The following NAP1L4 variants were observed in gnomAD, a reference collection of about 807,000 sequenced individuals.
NAP1L4 encodes nucleosome assembly protein 1 like 4.
NAP1L4 carries 15 observed loss-of-function variants against 58.2 expected under a neutral mutation model. The observed-to-expected ratio is 0.26, with a 90% CI of 0.17 to 0.40. The LOEUF (loss-of-function observed/expected upper bound fraction) is 0.40. NAP1L4 is among the 10% of genes least tolerant of loss of function. The probability of loss-of-function intolerance (pLI) is 1.00; values close to 1 mark genes in which losing one functional copy is unlikely to be tolerated. For missense variants in NAP1L4, 384 were observed against 451.1 expected, an observed-to-expected ratio of 0.85 and a Z score of 1.35; for synonymous variants, 171 against 155.6, an observed-to-expected ratio of 1.10 and a Z score of -0.74.
intron 1 of NAP1L4, among the ~76,000 whole-genome samples, chr11:2,982,239 G>C (rs1848364370): frequency 6.6e-6 from 1 of 152,190 alleles, no homozygotes; most frequent in Non-Finnish European, 1.5e-5. Flanking sequence ...AATGGATTCT[G>C]ATACATACTG....
chr11:2,966,497 T>C (rs1847286956), intron 7 of NAP1L4, among the ~76,000 whole-genome samples: 2 of 152,208 alleles, frequency 1.3e-5, no homozygotes, highest in African/African-American at 4.8e-5. Context: ...GCTGTTTTTG[T>C]AGCTCCCACA....
At chr11:2,976,357 A>G (rs1847959999) in intron 3 of NAP1L4, among the ~76,000 whole-genome samples, 1 of 152,158 alleles carries the variant, frequency 6.6e-6, no homozygotes. Context: ...TACTGAATAA[A>G]CACCTAGAGA....
intron 1 of NAP1L4, chr11:2,989,797 AGTG>A (rs1272429124): frequency 1.7e-4 from 26 of 152,366 alleles, no homozygotes; most frequent in African/African-American, 6.3e-4. Flanking sequence ...CATACTGTAA[AGTG>A]GTGATGAACA....
At chr11:2,973,452 C>CA (rs2133978851) in intron 4 of NAP1L4, among the ~76,000 whole-genome samples, 2 of 152,234 alleles carry the variant, frequency 1.3e-5, no homozygotes, top group Middle Eastern at 3.4e-3. Flanking sequence ...TTCACACAAT[C>CA]AGAGTCTTCA....
intron 1 of NAP1L4, among the ~76,000 whole-genome samples, chr11:2,980,101 G>A (rs2134000584): frequency 6.6e-6 from 1 of 152,272 alleles, no homozygotes. Context: ...TATATTGGTA[G>A]AATTAGATGA....
intron 1 of NAP1L4, chr11:2,990,394 C>A (rs567269046): frequency 3.9e-5 from 6 of 152,196 alleles, no homozygotes; most frequent in Non-Finnish European, 8.8e-5. Flanking sequence ...GGATTACTTT[C>A]CCATTCTATC....
At chr11:2,975,467 T>C (rs961084141) in intron 4 of NAP1L4, among the ~76,000 whole-genome samples, 4 of 151,866 alleles carry the variant, frequency 2.6e-5, no homozygotes, top group African/African-American at 9.7e-5. Flanking sequence ...GCACGGTAGC[T>C]CACCCGTTAT....
chr11:2,944,820 G>T lies in NAP1L4; in HGVS notation c.*859C>A, dbSNP rs576808579. 6.6e-6 allele frequency: 1 copy of T among 152,272 alleles called. No homozygotes were observed. The highest frequency in any genetic ancestry group is 2.4e-5 in the African/African-American group (1 of 41,466). The allele number at this position is 152,272 out of a possible 1,614,324, so 9.4% of individuals were successfully genotyped here. A position where few individuals can be genotyped will look rare whatever the true frequency, so the allele number is the denominator to read the frequency against. ...GCGCCTGCGTCATGAGGACGGGCTC[G>T]CATCTTCAGCCCTGGTGGCAGGGAG... On this transcript the variant is annotated 3_prime_UTR_variant, in exon 16 of 16. Coordinates refer to ENST00000380542, the MANE Select transcript of NAP1L4 (RefSeq NM_005969.4).
chr11:2,957,487 G>A (rs922553960), intron 10 of NAP1L4, among the ~76,000 whole-genome samples: 1 of 152,178 alleles, frequency 6.6e-6, no homozygotes, highest in Non-Finnish European at 1.5e-5. Context: ...CCGCCCTGTG[G>A]CCCCACATAC....
In NAP1L4 at chr11:2,992,316, T is replaced by A. The variant is rs1386203127; in HGVS notation, c.-80A>T. 6.6e-6 allele frequency: 1 copy of A among 152,298 alleles called. No individual in the cohort carries two copies. The highest frequency in any genetic ancestry group is 2.4e-5 in the African/African-American group (1 of 41,464). 9.4% of individuals were successfully genotyped at this position (152,298 alleles called of 1,614,324 possible). A position where few individuals can be genotyped will look rare whatever the true frequency, so the allele number is the denominator to read the frequency against. ...CGCTCGCTTTGGGGCTGCGCCGCCG[T>A]GGCCTCCAACAACGCCGGCTCCCAT... On this transcript the variant is annotated 5_prime_UTR_variant, in exon 1 of 16. Transcript: ENST00000380542.
At chr11:2,966,983 A>T (rs1847318678) in intron 7 of NAP1L4, among the ~76,000 whole-genome samples, 1 of 152,218 alleles carries the variant, frequency 6.6e-6, no homozygotes, top group African/African-American at 2.4e-5. Flanking sequence ...ACAACACTGG[A>T]GGCATCGCAC....
Position 2,955,789 on chromosome 11 carries a change from A to G in NAP1L4, c.893-23T>C, listed in dbSNP as rs377654776. The G allele has an allele frequency of 1.2e-6, 2 of 1,610,110 alleles. No homozygotes were observed. Among genetic ancestry groups the G allele is most frequent in the East Asian group, 2.2e-5 (1 of 44,888 alleles). On this transcript the variant is annotated intron_variant, in intron 10 of 15. Coordinates refer to ENST00000380542, the MANE Select transcript of NAP1L4 (RefSeq NM_005969.4). This position sits in a 1 kb window ranked among gnomAD's most constrained non-coding sequence, Gnocchi z 4.2. ...ATGCTAGAAAAAGAAAAGACAAAAC[A>G]TATTTAAATTACAGTGACAACTCCC...
At chr11:2,953,184 T>C (rs984009282) in intron 12 of NAP1L4, among the ~76,000 whole-genome samples, 5 of 152,238 alleles carry the variant, frequency 3.3e-5, no homozygotes, top group African/African-American at 9.6e-5. Flanking sequence ...GTACCTGTGC[T>C]GAACGTATTG....
chr11:2,972,376 T>G, intron 4 of NAP1L4, 133 bp from the exon 5 acceptor site: 1 of 681,224 alleles, frequency 1.5e-6, no homozygotes, highest in Non-Finnish European at 2.2e-6. Context: ...TCTTAAAAAT[T>G]AAGAAAAGGA....
chr11:2,968,219 G>C (rs16928932), intron 7 of NAP1L4, among the ~76,000 whole-genome samples: 9,712 of 152,160 alleles, frequency 0.064, 1,051 homozygotes, highest in African/African-American at 0.22. Flanking sequence ...CAACTCTCAG[G>C]GTGCACATTA....
intron 1 of NAP1L4, among the ~76,000 whole-genome samples, chr11:2,987,554 G>C (rs564883617): frequency 5.9e-5 from 9 of 151,374 alleles, no homozygotes; most frequent in East Asian, 2.0e-4. Context: ...TCAGGAGTTC[G>C]AGACCAGCCT....
chr11:2,970,183 G>C (rs1403762834), intron 6 of NAP1L4, among the ~76,000 whole-genome samples: 1 of 152,164 alleles, frequency 6.6e-6, no homozygotes, highest in Non-Finnish European at 1.5e-5. Context: ...AAACTAAAGA[G>C]ATGACAAAGT....
intron 8 of NAP1L4, among the ~76,000 whole-genome samples, chr11:2,960,720 C>A (rs1590230696): frequency 6.6e-6 from 1 of 152,062 alleles, no homozygotes; most frequent in Non-Finnish European, 1.5e-5. Context: ...AATTAAAAGG[C>A]ATATTCCCTG....
Position 2,946,173 on chromosome 11 carries a change from G to A in NAP1L4, c.*33-527C>T, listed in dbSNP as rs565080301. 7.2e-5 allele frequency among the ~76,000 whole-genome samples: 11 copies of A among 152,200 alleles called. No homozygotes were observed. Among genetic ancestry groups the A allele is most frequent in the East Asian group, 3.9e-4 (2 of 5,180 alleles). ...TCTTTGTACTACCAGGGAGCGCCCC[G>A]GCAGATCCATCCTCTTCTGGTGGCC... is the stretch of plus-strand genomic sequence containing the variant. On this transcript the variant is annotated intron_variant, in intron 15 of 15. Coordinates refer to ENST00000380542, the MANE Select transcript of NAP1L4 (RefSeq NM_005969.4). The surrounding 1 kb of genome is among the most constrained non-coding windows in gnomAD (Gnocchi z 4.8).
Sources: gnomAD v4.1 joint callset for allele counts (sites outside exome capture counted in the v4.1 genomes callset) on GRCh38, gnomAD v4.1.1 for gene constraint, Gnocchi (gnomAD v3.1) non-coding constraint, MANE v1.5 for transcripts, NCBI Gene and HGNC (gene_info 2026-07-23, HGNC 2026-07-21) for gene names.